The following PAX5 variants were observed in gnomAD, a reference collection of about 807,000 sequenced individuals.
The protein encoded by PAX5 is paired box protein Pax-5.
In PAX5, 9 loss-of-function variants were observed where a neutral mutation model predicts 43.7. The ratio of observed to expected loss-of-function variants is 0.21; its 90% confidence interval spans 0.12 to 0.36. The LOEUF (loss-of-function observed/expected upper bound fraction) is 0.36. Ranked by LOEUF, PAX5 falls within the 10% of genes least tolerant of loss-of-function variation. The pLI, the probability that PAX5 is intolerant of heterozygous loss-of-function variation, is 1.00. For synonymous variants in PAX5, 228 were observed against 214.3 expected, an observed-to-expected ratio of 1.06 and a Z score of -0.56; for missense variants, 383 against 532.7, an observed-to-expected ratio of 0.72 and a Z score of 2.77.
At chr9:37,024,179 A>G (rs1483507516) in intron 1 of PAX5, among the ~76,000 whole-genome samples, 1 of 152,150 alleles carries the variant, frequency 6.6e-6, no homozygotes, top group Non-Finnish European at 1.5e-5. Flanking sequence ...CCTGGCTATG[A>G]GTGTTTTATA....
In PAX5 at chr9:36,836,033, T is replaced by G. The variant is rs1320633835; in HGVS notation, c.*4527A>C. 8.6e-6 allele frequency: 2 copies of G among 233,538 alleles called. No homozygotes were observed. The allele number at this position is 233,538 out of a possible 1,614,324, so 14.5% of individuals were successfully genotyped here. On this transcript the variant is annotated 3_prime_UTR_variant, in exon 10 of 10. Coordinates refer to ENST00000358127, the MANE Select transcript of PAX5 (RefSeq NM_016734.3). ...GGCTTGGAGCTCAATTCTGGCTGAATGTCATGAGGAGGGGGTGGCTGGAGC... is the reference window on the plus strand; with the variant it reads ...GGCTTGGAGCTCAATTCTGGCTGAAGGTCATGAGGAGGGGGTGGCTGGAGC...
At chr9:36,961,106 T>G (rs796069233) in intron 6 of PAX5, among the ~76,000 whole-genome samples, 32 of 152,340 alleles carry the variant, frequency 2.1e-4, no homozygotes, top group African/African-American at 7.5e-4. Flanking sequence ...CAGCCCTTTT[T>G]CTGCCTCATG....
chr9:36,935,706 T>C lies in PAX5; in HGVS notation c.781-12222A>G, dbSNP rs560720055. On this transcript the variant is annotated intron_variant, in intron 6 of 9. Transcript: ENST00000358127. ...AGGGTCTAATGGAGCTCAGGAGTGCTGTAGGCTGATCTTTACCTGGCACTT... is the reference window on the plus strand; with the variant it reads ...AGGGTCTAATGGAGCTCAGGAGTGCCGTAGGCTGATCTTTACCTGGCACTT... Among the ~76,000 whole-genome samples the C allele has an allele frequency of 2.7e-4, 41 of 152,388 alleles. No homozygotes were observed. In the East Asian group the frequency reaches 7.5e-3, roughly 28 times the overall value.
intron 5 of PAX5, among the ~76,000 whole-genome samples, chr9:36,986,988 G>T (rs982016653): frequency 6.6e-6 from 1 of 152,174 alleles, no homozygotes; most frequent in African/African-American, 2.4e-5. Context: ...CATCACCAGC[G>T]TTCACCTGGT....
chr9:36,953,238 A>C (rs975165020), intron 6 of PAX5, among the ~76,000 whole-genome samples: 2 of 152,158 alleles, frequency 1.3e-5, no homozygotes, highest in African/African-American at 4.8e-5. Context: ...TCTATAAGTA[A>C]GGTAATTTTT....
chr9:36,961,712 C>T (rs751910943), intron 6 of PAX5, among the ~76,000 whole-genome samples: 5 of 152,180 alleles, frequency 3.3e-5, no homozygotes, highest in African/African-American at 1.2e-4. Flanking sequence ...CTGTGGCCGC[C>T]GGAGGAGGGA....
At chr9:37,026,588 G>T in intron 1 of PAX5, 1 of 1,347,554 alleles carries the variant, frequency 7.4e-7, no homozygotes, top group Non-Finnish European at 9.8e-7. Flanking sequence ...GGGCGCTCCA[G>T]ACTGCAGGCC....
At chr9:36,982,544 G>A (rs1836026890) in intron 5 of PAX5, among the ~76,000 whole-genome samples, 1 of 152,218 alleles carries the variant, frequency 6.6e-6, no homozygotes, top group African/African-American at 2.4e-5. Flanking sequence ...TCTAGAGACA[G>A]AAAGAACCTG....
chr9:36,935,822 G>T (rs764246493), intron 6 of PAX5, among the ~76,000 whole-genome samples: 2 of 152,172 alleles, frequency 1.3e-5, no homozygotes, highest in Non-Finnish European at 2.9e-5. Context: ...GCTAAATGCT[G>T]GTCTCCCTAC....
intron 7 of PAX5, among the ~76,000 whole-genome samples, chr9:36,918,048 C>T (rs1021438794): frequency 6.6e-6 from 1 of 152,200 alleles, no homozygotes; most frequent in Admixed American, 6.5e-5. Context: ...CTCTCTTCTT[C>T]TCCTAGGGCC....
At chr9:36,971,429 A>G (rs139287344) in intron 5 of PAX5, among the ~76,000 whole-genome samples, 2 of 152,332 alleles carry the variant, frequency 1.3e-5, no homozygotes, top group African/African-American at 4.8e-5. Context: ...CTTCCGTAGC[A>G]TTTCTCATCT....
chr9:36,858,197 G>C (rs1000202012), intron 8 of PAX5, among the ~76,000 whole-genome samples: 7 of 152,258 alleles, frequency 4.6e-5, no homozygotes, highest in African/African-American at 1.7e-4. Context: ...GGAGCTATTT[G>C]ATACTTAGCT....
At position 37,015,202 on chromosome 9, in the gene PAX5, C is replaced by A; in HGVS notation, c.213-8G>T. 1.9e-6 allele frequency: 3 copies of A among 1,612,556 alleles called. No homozygotes were observed. The highest frequency in any genetic ancestry group is 1.7e-6 in the Non-Finnish European group (2 of 1,178,838). The stretch of plus-strand genomic sequence containing the variant: ...CTTCCTGTCTCATAATACCTAGGAC[C>A]CAAAGAGAAAGAAGCTTAGCCATGA... On this transcript the variant is annotated splice_polypyrimidine_tract_variant and splice_region_variant and intron_variant, in intron 2 of 9. Transcript: ENST00000358127. The surrounding 1 kb of genome is among the most constrained non-coding windows in gnomAD (Gnocchi z 4.4).
intron 6 of PAX5, among the ~76,000 whole-genome samples, chr9:36,932,563 G>A (rs1425327768): frequency 6.6e-6 from 1 of 152,194 alleles, no homozygotes; most frequent in East Asian, 1.9e-4. Context: ...GGCTGGAGAT[G>A]GGGGTGGGAT....
At chr9:36,890,176 C>G (rs1027194210) in intron 7 of PAX5, among the ~76,000 whole-genome samples, 1 of 152,082 alleles carries the variant, frequency 6.6e-6, no homozygotes, top group East Asian at 1.9e-4. Context: ...ACCAACCAAA[C>G]TCCCCCTCCA....
intron 8 of PAX5, among the ~76,000 whole-genome samples, chr9:36,849,844 G>A (rs1425732864): frequency 6.6e-6 from 1 of 152,218 alleles, no homozygotes; most frequent in Admixed American, 6.5e-5. Context: ...GACCATGTAC[G>A]GGTCGTGAGG....
intron 1 of PAX5, among the ~76,000 whole-genome samples, chr9:37,030,471 C>T (rs567853226): frequency 6.6e-6 from 1 of 152,300 alleles, no homozygotes. Flanking sequence ...TCCAGGAGAG[C>T]GAGACTAGCA....
intron 7 of PAX5, among the ~76,000 whole-genome samples, chr9:36,899,513 A>G (rs541331130): frequency 2.6e-5 from 4 of 152,248 alleles, no homozygotes; most frequent in East Asian, 1.9e-4. Context: ...GCTCAGTGCT[A>G]GGGATTTTGT....
At chr9:36,846,744 G>T in intron 9 of PAX5, 99 bp downstream of exon 9, 1 of 787,706 alleles carries the variant, frequency 1.3e-6, no homozygotes, top group Non-Finnish European at 2.1e-6. Context: ...CCACCTCAGT[G>T]ACCAGACCTC....
Sources: gnomAD v4.1 joint callset for allele counts (sites outside exome capture counted in the v4.1 genomes callset) on GRCh38, gnomAD v4.1.1 for gene constraint, Gnocchi (gnomAD v3.1) non-coding constraint, MANE v1.5 for transcripts, NCBI Gene and HGNC (gene_info 2026-07-23, HGNC 2026-07-21) for gene names.